SHC3: variants seen among roughly 807,000 people sequenced by gnomAD.
SHC3 encodes SHC adaptor protein 3, also known as SHC-transforming protein 3.
Under a neutral mutation model 60.4 loss-of-function variants are expected in SHC3, and 15 were observed. The observed-to-expected ratio is 0.25, with a 90% CI of 0.17 to 0.38. SHC3 has a LOEUF of 0.38. SHC3 is among the 10% of genes least tolerant of loss of function. The pLI, the probability that SHC3 is intolerant of heterozygous loss-of-function variation, is 1.00. For synonymous variants in SHC3, 294 were observed against 325.9 expected (o/e 0.90, Z 1.05); for missense variants, 677 against 786.1 (o/e 0.86, Z 1.66).
chr9:89,117,273 G>A (rs1332758863), intron 1 of SHC3, among the ~76,000 whole-genome samples: 1 of 152,140 alleles, frequency 6.6e-6, no homozygotes, highest in Non-Finnish European at 1.5e-5. Context: ...TCATCACCCG[G>A]CATAAGCAAG....
rs540788767 is a variant in SHC3 at position 89,027,327 on chromosome 9, A to ATTTT, written c.1656+10662_1656+10665dup. 2.3e-3 allele frequency among the ~76,000 whole-genome samples: 302 copies of ATTTT among 130,386 alleles called. 7 individuals carry two copies. Among genetic ancestry groups the ATTTT allele is most frequent in the Middle Eastern group, 0.015 (4 of 262 alleles). The allele number at this position is 130,386 out of a possible 152,430, so 85.5% of individuals were successfully genotyped here. A position where few individuals can be genotyped will look rare whatever the true frequency, so the allele number is the denominator to read the frequency against. ...ACAACTAGTGATGGGTGAAATTCTG[A>ATTTT]TTTTTTTTTTTTGAGACTGAGTCTC... On this transcript the variant is annotated intron_variant, in intron 11 of 11. Coordinates refer to ENST00000375835, the MANE Select transcript of SHC3 (RefSeq NM_016848.6).
intron 1 of SHC3, among the ~76,000 whole-genome samples, chr9:89,170,518 T>A (rs904590703): frequency 9.9e-5 from 15 of 152,070 alleles, no homozygotes; most frequent in Non-Finnish European, 2.2e-4. Context: ...TGGTGGTGTG[T>A]GCCTGTGTCC....
At chr9:89,014,567 T>G (rs1323158055) in intron 11 of SHC3, among the ~76,000 whole-genome samples, 1 of 152,170 alleles carries the variant, frequency 6.6e-6, no homozygotes, top group African/African-American at 2.4e-5. Context: ...TGGTCTCCTC[T>G]CCATCAGTGT....
chr9:89,161,015 C>T (rs1826696741), intron 1 of SHC3, among the ~76,000 whole-genome samples: 1 of 152,318 alleles, frequency 6.6e-6, no homozygotes, highest in Non-Finnish European at 1.5e-5. Flanking sequence ...CAGTGCCCTG[C>T]AGCTGCTCCC....
intron 11 of SHC3, among the ~76,000 whole-genome samples, chr9:89,028,892 A>G (rs1824422044): frequency 6.8e-6 from 1 of 147,850 alleles, no homozygotes; most frequent in Non-Finnish European, 1.5e-5. Flanking sequence ...GATATAATCT[A>G]TATCTATTAA....
chr9:89,150,613 TG>T (rs1253330845), intron 1 of SHC3, among the ~76,000 whole-genome samples: 10 of 152,380 alleles, frequency 6.6e-5, no homozygotes, highest in African/African-American at 2.2e-4. Context: ...CAGCAATTGA[TG>T]GGCATTTGGG....
intron 1 of SHC3, among the ~76,000 whole-genome samples, chr9:89,173,375 GA>G (rs771965803): frequency 1.4e-4 from 22 of 152,244 alleles, no homozygotes; most frequent in Admixed American, 2.0e-4. Flanking sequence ...CTGTTCCCAG[GA>G]CTCTGCTTTA....
At position 89,112,584 on chromosome 9, in the gene SHC3, C is replaced by T. The variant is rs1476408311; in HGVS notation, c.517G>A (p.Asp173Asn). ...GTAATTTGTGTTCTTGTACTGAAGT[C>T]AAGAGACCTCATTGAGCGCAGAACT... ...IEVLRSMRSL[D>N]FSTRTQITRE... The change falls in exon 2 of 12, where the codon GAC (aspartate) becomes AAC (asparagine). Residue 173 changes from aspartate to asparagine, a missense_variant. Asp to Asn is a conservative substitution (Grantham distance 23, BLOSUM62 1). Coordinates refer to ENST00000375835, the MANE Select transcript of SHC3 (RefSeq NM_016848.6). 3.8e-6 allele frequency: 6 copies of T among 1,598,402 alleles called. No individual in the cohort carries two copies. The highest frequency in any genetic ancestry group is 5.1e-6 in the Non-Finnish European group (6 of 1,173,840).
chr9:89,140,160 T>C (rs1232320253), intron 1 of SHC3, among the ~76,000 whole-genome samples: 1 of 152,224 alleles, frequency 6.6e-6, no homozygotes, highest in African/African-American at 2.4e-5. Flanking sequence ...GCTTCTTTTT[T>C]ATATCACAAA....
chr9:89,154,445 T>C (rs1587758106), intron 1 of SHC3, among the ~76,000 whole-genome samples: 1 of 152,324 alleles, frequency 6.6e-6, no homozygotes, highest in East Asian at 1.9e-4. Context: ...GAGGAGGGGA[T>C]GCCCCACGGT....
intron 1 of SHC3, among the ~76,000 whole-genome samples, chr9:89,149,916 C>T (rs1360274915): frequency 6.6e-6 from 1 of 152,164 alleles, no homozygotes; most frequent in Non-Finnish European, 1.5e-5. Context: ...CATCCCTTTG[C>T]CCAGCATCTC....
chr9:89,079,574 A>C (rs1825413926), intron 2 of SHC3, among the ~76,000 whole-genome samples: 1 of 152,228 alleles, frequency 6.6e-6, no homozygotes, highest in African/African-American at 2.4e-5. Context: ...CAGTTATCCA[A>C]AAAGACACAT....
At chr9:89,172,764 C>A (rs1318807676) in intron 1 of SHC3, among the ~76,000 whole-genome samples, 1 of 152,214 alleles carries the variant, frequency 6.6e-6, no homozygotes, top group Non-Finnish European at 1.5e-5. Flanking sequence ...CTGGTCATTT[C>A]TTTCCATTGC....
At chr9:89,105,190 G>A (rs1825840462) in intron 2 of SHC3, among the ~76,000 whole-genome samples, 1 of 152,110 alleles carries the variant, frequency 6.6e-6, no homozygotes, top group Non-Finnish European at 1.5e-5. Context: ...TGTACTTGTG[G>A]GGTTTGCCAG....
At chr9:89,037,477 A>C (rs752990989) in intron 11 of SHC3, 28 of 707,762 alleles carry the variant, frequency 4.0e-5, no homozygotes, top group Non-Finnish European at 7.0e-5. Context: ...GGGATTATTC[A>C]GATACAGCTG....
intron 2 of SHC3, among the ~76,000 whole-genome samples, chr9:89,083,135 G>A (rs185580455): frequency 6.6e-6 from 1 of 152,158 alleles, no homozygotes; most frequent in South Asian, 2.1e-4. Context: ...TGCCTCCATG[G>A]GGAAGGTGAG....
intron 6 of SHC3, among the ~76,000 whole-genome samples, chr9:89,059,313 GA>G (rs1825022548): frequency 3.2e-5 from 1 of 31,606 alleles, no homozygotes; most frequent in African/African-American, 2.0e-4. Flanking sequence ...GACGGTGGTG[GA>G]GGACGTTGTG....
intron 10 of SHC3, among the ~76,000 whole-genome samples, chr9:89,041,467 A>C (rs1393104836): frequency 6.6e-6 from 1 of 152,212 alleles, no homozygotes; most frequent in Non-Finnish European, 1.5e-5. Flanking sequence ...ACAAATGGTA[A>C]GTGTTCAGTA....
At chr9:89,061,172 C>A (rs549610937) in intron 6 of SHC3, among the ~76,000 whole-genome samples, 1 of 152,314 alleles carries the variant, frequency 6.6e-6, no homozygotes, top group Admixed American at 6.5e-5. Flanking sequence ...AATTCACCTC[C>A]TGCCACAGTG....
Sources: gnomAD v4.1 joint callset for allele counts (sites outside exome capture counted in the v4.1 genomes callset) on GRCh38, gnomAD v4.1.1 for gene constraint, MANE v1.5 for transcripts, NCBI Gene and HGNC (gene_info 2026-07-23, HGNC 2026-07-21) for gene names.